Variants in NTM observed in about 807,000 individuals in gnomAD.
NTM encodes IgLON family member 2.
A neutral mutation model predicts 42.1 loss-of-function variants in NTM; 13 were observed. That is an observed-to-expected ratio of 0.31 (90% CI 0.20 to 0.49). The LOEUF (loss-of-function observed/expected upper bound fraction) is 0.49. Among genes scored for constraint, NTM ranks in the 20% least tolerant of loss-of-function variants. The pLI is 0.99. For synonymous variants in NTM, 187 were observed against 179.2 expected (o/e 1.04, Z -0.35); for missense variants, 373 against 452.8 (o/e 0.82, Z 1.60).
chr11:131,904,282 G>A (rs1378194771), intron 1 of NTM, among the ~76,000 whole-genome samples: 1 of 152,082 alleles, frequency 6.6e-6, no homozygotes, highest in African/African-American at 2.4e-5. Flanking sequence ...AGTAATCCAA[G>A]TTCCTCTGAG....
intron 2 of NTM, among the ~76,000 whole-genome samples, chr11:132,028,072 T>C (rs1365252186): frequency 1.3e-5 from 2 of 152,126 alleles, no homozygotes; most frequent in Admixed American, 6.5e-5. Context: ...GAATTCTTTT[T>C]TACAGTTTTC....
intron 2 of NTM, among the ~76,000 whole-genome samples, chr11:131,987,018 T>C (rs552297793): frequency 6.6e-6 from 1 of 152,306 alleles, no homozygotes; most frequent in South Asian, 2.1e-4. Flanking sequence ...ATGGTTGTTG[T>C]TGAGGATCTT....
Position 131,972,834 on chromosome 11 carries a change from G to A in NTM, c.167+61186G>A, listed in dbSNP as rs550103986. ...CATGTATAATTTTAAATGAAAGAAA[G>A]CCTGTGATTTTGGGCCACTGTTGAG... On this transcript the variant is annotated intron_variant, in intron 2 of 8. Transcript: ENST00000683400. Among the ~76,000 whole-genome samples the A allele has an allele frequency of 2.6e-5, 4 of 152,222 alleles. No homozygotes were observed. In the East Asian group the frequency reaches 5.8e-4, roughly 22 times the overall value.
intron 4 of NTM, among the ~76,000 whole-genome samples, chr11:132,267,642 C>G (rs1159282496): frequency 1.3e-5 from 2 of 151,958 alleles, no homozygotes; most frequent in East Asian, 3.9e-4. Context: ...ATGGCAAAAC[C>G]CTGTCTCTAC....
chr11:131,461,347 A>T (rs1951358987), intron 1 of NTM, among the ~76,000 whole-genome samples: 1 of 152,218 alleles, frequency 6.6e-6, no homozygotes, highest in Admixed American at 6.5e-5. Flanking sequence ...AATTCTTGTA[A>T]CTTCCATGTC....
chr11:131,647,494 G>T (rs955869011), intron 1 of NTM, among the ~76,000 whole-genome samples: 4 of 152,206 alleles, frequency 2.6e-5, no homozygotes, highest in African/African-American at 9.7e-5. Flanking sequence ...CTGAAGAAGG[G>T]CAAGTGATGA....
At chr11:131,913,125 CAGGGG>C (rs1217925337) in intron 2 of NTM, among the ~76,000 whole-genome samples, 1 of 152,164 alleles carries the variant, frequency 6.6e-6, no homozygotes, top group Non-Finnish European at 1.5e-5. Context: ...AAATGGATTT[CAGGGG>C]AGTTACAAAT....
At chr11:131,381,977 G>A (rs952568558) in intron 1 of NTM, among the ~76,000 whole-genome samples, 1 of 152,222 alleles carries the variant, frequency 6.6e-6, no homozygotes, top group Non-Finnish European at 1.5e-5. Context: ...TAAACTATGT[G>A]AGAAAGCACT....
intron 2 of NTM, among the ~76,000 whole-genome samples, chr11:131,998,885 G>A (rs557800237): frequency 6.6e-6 from 1 of 152,274 alleles, no homozygotes; most frequent in African/African-American, 2.4e-5. Context: ...GGGTATTATG[G>A]GAGACTGCTG....
At chr11:131,958,477 C>T (rs747031783) in intron 2 of NTM, among the ~76,000 whole-genome samples, 1 of 152,114 alleles carries the variant, frequency 6.6e-6, no homozygotes, top group Non-Finnish European at 1.5e-5. Context: ...ATGAGAAAAT[C>T]GTGTTTAGGG....
chr11:131,785,987 G>A (rs974119247), intron 1 of NTM, among the ~76,000 whole-genome samples: 1 of 152,204 alleles, frequency 6.6e-6, no homozygotes, highest in African/African-American at 2.4e-5. Flanking sequence ...CAGATGGAAA[G>A]GAAGGTGTCA....
chr11:131,600,447 G>A (rs2512878), intron 1 of NTM, among the ~76,000 whole-genome samples: 70,167 of 151,984 alleles, frequency 0.46, 17,169 homozygotes, highest in East Asian at 0.61. Flanking sequence ...ATGACATTTG[G>A]AAAATCCATT....
At chr11:131,506,573 G>A (rs11222676) in intron 1 of NTM, among the ~76,000 whole-genome samples, 19,348 of 152,184 alleles carry the variant, frequency 0.13, 1,435 homozygotes, top group East Asian at 0.26. Context: ...GCAGCCTGGG[G>A]GGCCCTCTGA....
chr11:131,894,013 T>C (rs1264078511), intron 1 of NTM, among the ~76,000 whole-genome samples: 2 of 152,146 alleles, frequency 1.3e-5, no homozygotes, highest in Admixed American at 1.3e-4. Context: ...TATCTGGCAT[T>C]TTTAGCTTCT....
chr11:132,237,547 G>C (rs2089258785), intron 4 of NTM, among the ~76,000 whole-genome samples: 2 of 152,146 alleles, frequency 1.3e-5, no homozygotes, highest in South Asian at 4.1e-4. Context: ...TACGTTTTCA[G>C]CCCGTTTGTG....
chr11:131,499,590 C>T (rs1274157986), intron 1 of NTM, among the ~76,000 whole-genome samples: 1 of 152,218 alleles, frequency 6.6e-6, no homozygotes, highest in Non-Finnish European at 1.5e-5. Flanking sequence ...GCTTTAAACA[C>T]TAACCTGGCT....
intron 1 of NTM, among the ~76,000 whole-genome samples, chr11:131,620,698 C>A (rs138766252): frequency 6.6e-6 from 1 of 152,200 alleles, no homozygotes; most frequent in African/African-American, 2.4e-5. Context: ...TATGCTCCCA[C>A]GCTATTTCCT....
At chr11:132,074,466 GT>G (rs781532982) in intron 2 of NTM, among the ~76,000 whole-genome samples, 4 of 151,972 alleles carry the variant, frequency 2.6e-5, no homozygotes, top group Non-Finnish European at 4.4e-5. Flanking sequence ...CCTACTCTCA[GT>G]TTCTCAGGAA....
At chr11:131,555,550 G>A (rs1361142831) in intron 1 of NTM, among the ~76,000 whole-genome samples, 2 of 152,156 alleles carry the variant, frequency 1.3e-5, no homozygotes, top group Non-Finnish European at 2.9e-5. Context: ...TGCAGCCTGT[G>A]GCATACCCAA....
Sources: allele counts gnomAD v4.1 joint callset (sites outside exome capture counted in the v4.1 genomes callset), GRCh38; gene constraint gnomAD v4.1.1; transcripts MANE v1.5; gene names NCBI Gene and HGNC (gene_info 2026-07-23, HGNC 2026-07-21).